EHBP1: variants seen among roughly 807,000 people sequenced by gnomAD.
EHBP1 encodes the protein EH domain binding protein 1, also known as EH domain-binding protein 1.
In EHBP1, 55 loss-of-function variants were observed where a neutral mutation model predicts 144.0. The observed-to-expected ratio is 0.38, with a 90% CI of 0.31 to 0.48. EHBP1 has a LOEUF of 0.48. Ranked by LOEUF, EHBP1 falls within the 20% of genes least tolerant of loss-of-function variation. EHBP1 has a pLI of 0.98. For missense variants in EHBP1, 1,200 were observed against 1,364.2 expected (o/e 0.88, Z 1.90); for synonymous variants, 469 against 472.7 (o/e 0.99, Z 0.10).
rs527516052 is a variant in EHBP1, at chr2:62,944,911, T to A, written c.1413+1061T>A. Among the ~76,000 whole-genome samples the A allele has an allele frequency of 7.2e-5, 11 of 152,366 alleles. No individual in the cohort carries two copies. In the East Asian group the frequency reaches 1.9e-3, roughly 27 times the overall value. On this transcript the variant is annotated intron_variant, in intron 12 of 22. Transcript: ENST00000431489. ...AAAATTAATGAAATTTATTATTGTCTTAGAACAGGAGTTCTTAACCTGTGA... is the reference window on the plus strand; with the variant it reads ...AAAATTAATGAAATTTATTATTGTCATAGAACAGGAGTTCTTAACCTGTGA...
intron 5 of EHBP1, among the ~76,000 whole-genome samples, chr2:62,808,671 T>G (rs2044702378): frequency 6.6e-6 from 1 of 152,192 alleles, no homozygotes; most frequent in African/African-American, 2.4e-5. Flanking sequence ...TCTTTTAGTA[T>G]GCCTGGTGAT....
At chr2:62,830,163 C>G (rs1164187582) in intron 6 of EHBP1, among the ~76,000 whole-genome samples, 19 of 66,320 alleles carry the variant, frequency 2.9e-4, no homozygotes, top group Non-Finnish European at 5.9e-4. Flanking sequence ...GACACACACA[C>G]ACACACACAC....
intron 3 of EHBP1, among the ~76,000 whole-genome samples, chr2:62,750,303 G>T (rs2039560719): frequency 6.6e-6 from 1 of 152,082 alleles, no homozygotes; most frequent in Non-Finnish European, 1.5e-5. Flanking sequence ...TAGATGTGTG[G>T]TATTATTTCT....
chr2:62,935,344 A>AAAAAAT, intron 10 of EHBP1, among the ~76,000 whole-genome samples: 1 of 121,488 alleles, frequency 8.2e-6, no homozygotes, highest in Admixed American at 8.9e-5. Flanking sequence ...AAAAAAAAAA[A>AAAAAAT]ATATATATAT....
chr2:62,832,739 C>T (rs2046922713), intron 7 of EHBP1, among the ~76,000 whole-genome samples: 1 of 152,124 alleles, frequency 6.6e-6, no homozygotes, highest in Non-Finnish European at 1.5e-5. Context: ...GACTGATCCA[C>T]CAACTAGCTG....
At chr2:62,786,753 A>T (rs1267618488) in intron 5 of EHBP1, among the ~76,000 whole-genome samples, 1 of 152,212 alleles carries the variant, frequency 6.6e-6, no homozygotes, top group Non-Finnish European at 1.5e-5. Flanking sequence ...AGTTATGAAG[A>T]TGCTTTAAGC....
intron 14 of EHBP1, among the ~76,000 whole-genome samples, chr2:62,960,925 T>C (rs972527354): frequency 1.3e-5 from 2 of 152,226 alleles, no homozygotes; most frequent in Non-Finnish European, 1.5e-5. Context: ...TTTGTTGTTA[T>C]GATGTGTGTA....
At chr2:62,686,977 A>T (rs952187708) in intron 1 of EHBP1, among the ~76,000 whole-genome samples, 2 of 152,118 alleles carry the variant, frequency 1.3e-5, no homozygotes, top group South Asian at 2.1e-4. Context: ...TATTATCCCC[A>T]CTTTATATAT....
At chr2:62,730,986 A>C (rs920181639) in intron 2 of EHBP1, among the ~76,000 whole-genome samples, 1 of 150,236 alleles carries the variant, frequency 6.7e-6, no homozygotes, top group African/African-American at 2.5e-5. Flanking sequence ...TTGATACTGC[A>C]TTGAGTCTAT....
chr2:62,697,498 T>G (rs746058524), intron 1 of EHBP1, among the ~76,000 whole-genome samples: 7 of 152,226 alleles, frequency 4.6e-5, no homozygotes, highest in Non-Finnish European at 1.0e-4. Context: ...AACACTTTTC[T>G]CAGGTTTTTT....
At chr2:63,014,902 C>T (rs985468135) in intron 19 of EHBP1, among the ~76,000 whole-genome samples, 13 of 151,980 alleles carry the variant, frequency 8.6e-5, no homozygotes, top group Non-Finnish European at 1.5e-4. Flanking sequence ...CGCTTGAGCC[C>T]GGGAGGTGGA....
At chr2:62,861,890 A>G (rs1351384272) in intron 8 of EHBP1, among the ~76,000 whole-genome samples, 1 of 152,058 alleles carries the variant, frequency 6.6e-6, no homozygotes, top group Non-Finnish European at 1.5e-5. Flanking sequence ...AATTTTTGCA[A>G]TCCTCTTCCT....
At chr2:62,797,731 A>G (rs1244601614) in intron 5 of EHBP1, among the ~76,000 whole-genome samples, 1 of 152,232 alleles carries the variant, frequency 6.6e-6, no homozygotes, top group East Asian at 1.9e-4. Context: ...CTGTAAATGA[A>G]AACAGTAGTA....
At chr2:62,841,347 G>C (rs1300546835) in intron 7 of EHBP1, among the ~76,000 whole-genome samples, 1 of 125,984 alleles carries the variant, frequency 7.9e-6, no homozygotes, top group Admixed American at 8.8e-5. Flanking sequence ...TGGTGGGGTG[G>C]GGGGAGGGGG....
chr2:62,968,044 T>C (rs2539978), intron 14 of EHBP1, among the ~76,000 whole-genome samples: 91,270 of 151,906 alleles, frequency 0.6, 27,732 homozygotes, highest in South Asian at 0.69. Flanking sequence ...CTGATCGTAA[T>C]GGATACAGTG....
chr2:62,827,806 T>A (rs1193546734), intron 6 of EHBP1, among the ~76,000 whole-genome samples: 12 of 152,032 alleles, frequency 7.9e-5, no homozygotes, highest in African/African-American at 2.9e-4. Flanking sequence ...TAGCTGGGAT[T>A]ACAGGTGTGT....
intron 3 of EHBP1, among the ~76,000 whole-genome samples, chr2:62,755,015 G>A (rs1289371885): frequency 5.3e-5 from 8 of 152,198 alleles, no homozygotes; most frequent in African/African-American, 1.2e-4. Context: ...TGTCCGACAA[G>A]CCCCAGTAAG....
At chr2:62,903,202 G>A (rs1418840010) in intron 10 of EHBP1, among the ~76,000 whole-genome samples, 2 of 152,122 alleles carry the variant, frequency 1.3e-5, no homozygotes, top group African/African-American at 4.8e-5. Flanking sequence ...AAATTGTTAT[G>A]TCTATTCACT....
intron 5 of EHBP1, among the ~76,000 whole-genome samples, chr2:62,819,171 G>C (rs2045682425): frequency 6.6e-6 from 1 of 152,132 alleles, no homozygotes; most frequent in Non-Finnish European, 1.5e-5. Flanking sequence ...GACCTGGTTG[G>C]CTATCTCCAA....
Sources: allele counts gnomAD v4.1 joint callset (sites outside exome capture counted in the v4.1 genomes callset), GRCh38; gene constraint gnomAD v4.1.1; transcripts MANE v1.5; gene names NCBI Gene and HGNC (gene_info 2026-07-23, HGNC 2026-07-21).